Variants in KANSL2 observed in about 807,000 individuals in gnomAD.
The protein encoded by KANSL2 is NSL complex protein NSL2.
A neutral mutation model predicts 55.6 loss-of-function variants in KANSL2; 34 were observed. The observed-to-expected ratio is 0.61, with a 90% CI of 0.46 to 0.81. KANSL2 has a LOEUF of 0.81. KANSL2 is among the 40% of genes least tolerant of loss of function. The pLI is 0.00. For synonymous variants in KANSL2, 209 were observed against 214.3 expected, an observed-to-expected ratio of 0.98 and a Z score of 0.22; for missense variants, 502 against 609.9, an observed-to-expected ratio of 0.82 and a Z score of 1.86.
chr12:48,680,011 AG>A, intron 2 of KANSL2, 178 bp from the exon 3 acceptor site: 1 of 590,620 alleles, frequency 1.7e-6, no homozygotes, highest in East Asian at 2.9e-5. Flanking sequence ...ACTTTATTAA[AG>A]GGAAATAACA....
intron 8 of KANSL2, chr12:48,656,589 G>T (rs1291304676): frequency 1.1e-5 from 4 of 378,486 alleles, no homozygotes; most frequent in Non-Finnish European, 2.0e-5. Context: ...TGGTTCTTAA[G>T]CCTAACATAG....
chr12:48,676,737 T>A (rs895961139), intron 4 of KANSL2, among the ~76,000 whole-genome samples: 1 of 152,100 alleles, frequency 6.6e-6, no homozygotes, highest in African/African-American at 2.4e-5. Context: ...ACAAAACAAT[T>A]AAGTAAGTGG....
At chr12:48,664,019 A>T (rs967464928) in intron 7 of KANSL2, among the ~76,000 whole-genome samples, 2 of 143,970 alleles carry the variant, frequency 1.4e-5, no homozygotes, top group African/African-American at 5.2e-5. Flanking sequence ...GGTTCAAGCG[A>T]TTCTCCTGCC....
At chr12:48,676,619 T>C (rs1297510460) in intron 4 of KANSL2, among the ~76,000 whole-genome samples, 3 of 151,908 alleles carry the variant, frequency 2.0e-5, no homozygotes, top group Non-Finnish European at 4.4e-5. Flanking sequence ...GATCGCACCA[T>C]TGCACTCCAG....
intron 4 of KANSL2, among the ~76,000 whole-genome samples, chr12:48,673,517 G>A (rs189918776): frequency 2.1e-4 from 31 of 150,932 alleles, no homozygotes; most frequent in African/African-American, 6.1e-4. Context: ...CTGAGATCGT[G>A]CCACTGCATT....
intron 4 of KANSL2, among the ~76,000 whole-genome samples, chr12:48,675,003 AAAAT>A (rs553215793): frequency 8.3e-4 from 124 of 148,640 alleles, no homozygotes; most frequent in African/African-American, 2.8e-3. Context: ...AAATTAATAA[AAAAT>A]AAATTTAAAA....
intron 7 of KANSL2, 99 bp from the exon 8 acceptor site, chr12:48,660,718 T>G (rs1939470694): frequency 8.5e-7 from 1 of 1,174,790 alleles, no homozygotes; most frequent in Non-Finnish European, 1.2e-6. Flanking sequence ...GTGGACTATA[T>G]AAGATAAATT....
In KANSL2 at chr12:48,669,278, G is replaced by T. The variant is rs748159392; in HGVS notation, c.710-6C>A. The T allele has an allele frequency of 1.0e-5, 16 of 1,537,896 alleles. No individual in the cohort carries two copies. The highest frequency in any genetic ancestry group is 1.3e-5 in the Non-Finnish European group (15 of 1,141,534). The stretch of plus-strand genomic sequence containing the variant: ...GCCAGTCAGGAGACTACTGCCTAGA[G>T]TTACAAGAGTCAAGATGTTATTTGC... On this transcript the variant is annotated splice_region_variant and splice_polypyrimidine_tract_variant and intron_variant, in intron 5 of 9. Coordinates refer to ENST00000420613, the MANE Select transcript of KANSL2 (RefSeq NM_017822.4).
chr12:48,657,910 C>T (rs530934732), intron 8 of KANSL2, among the ~76,000 whole-genome samples: 77 of 152,294 alleles, frequency 5.1e-4, no homozygotes, highest in Admixed American at 2.7e-3. Context: ...AGCCACCGCA[C>T]CCGGCCCATG....
rs1374594370 is a variant in KANSL2 at position 48,657,712 on chromosome 12, G to C, written c.1228-2652C>G. 4.0e-5 allele frequency among the ~76,000 whole-genome samples: 6 copies of C among 151,892 alleles called. No individual in the cohort carries two copies. The South Asian group carries it at 1.3e-3, about 32-fold the overall frequency. On this transcript the variant is annotated intron_variant, in intron 8 of 9. Transcript: ENST00000420613. ...GCTCACTGCAACCTCCACCTCCTGG[G>C]TTCAAGCGATTCTCCTGCCTCAGCC...
chr12:48,679,318 C>A, intron 3 of KANSL2, 168 bp from the exon 4 acceptor site: 1 of 680,378 alleles, frequency 1.5e-6, no homozygotes. Flanking sequence ...TAAGAAAATA[C>A]AACCCAAGTA....
chr12:48,674,819 G>A (rs1939790515), intron 4 of KANSL2, among the ~76,000 whole-genome samples: 1 of 152,022 alleles, frequency 6.6e-6, no homozygotes, highest in African/African-American at 2.4e-5. Context: ...CCAGCTACTC[G>A]GGAGGCTGAG....
Position 48,669,240 on chromosome 12 carries a change from A to G in KANSL2, c.742T>C (p.Leu248=), listed in dbSNP as rs1939661442. 1.9e-6 allele frequency: 3 copies of G among 1,575,696 alleles called. No homozygotes were observed. Among genetic ancestry groups the G allele is most frequent in the Middle Eastern group, 1.7e-4 (1 of 6,010 alleles). ...TTTAAGTTCTCTCGTTCTTTGGCCA[A>G]AAGTCCCTCTGGGCCAGTCAGGAGA... ...SSLLTGPEGL[L]AKERENLKRL... The change falls in exon 6 of 10, where the codon TTG becomes CTG. Residue 248 remains leucine (L), a synonymous_variant. Coordinates refer to ENST00000420613, the MANE Select transcript of KANSL2 (RefSeq NM_017822.4).
intron 4 of KANSL2, among the ~76,000 whole-genome samples, chr12:48,673,973 A>AAATG (rs1436243378): frequency 2.2e-4 from 34 of 152,246 alleles, no homozygotes; most frequent in African/African-American, 8.2e-4. Context: ...ATAAATAAAT[A>AAATG]AATAAGTGAA....
chr12:48,680,767 A>G (rs1939908027), intron 2 of KANSL2, among the ~76,000 whole-genome samples: 1 of 151,960 alleles, frequency 6.6e-6, no homozygotes, highest in East Asian at 1.9e-4. Context: ...ACCTGAGGTC[A>G]GCAGTTCAAA....
chr12:48,670,140 G>A (rs1409265963), intron 5 of KANSL2, among the ~76,000 whole-genome samples: 2 of 149,022 alleles, frequency 1.3e-5, no homozygotes, highest in Non-Finnish European at 1.5e-5. Context: ...GGTGGAGGTT[G>A]CAGTGAGCCA....
intron 7 of KANSL2, among the ~76,000 whole-genome samples, chr12:48,665,319 C>T (rs763444866): frequency 6.6e-6 from 1 of 152,200 alleles, no homozygotes; most frequent in Non-Finnish European, 1.5e-5. Flanking sequence ...AATCCCAGCA[C>T]TTTGGGAGGC....
chr12:48,668,849 G>A (rs1939651650), intron 6 of KANSL2, among the ~76,000 whole-genome samples: 1 of 152,058 alleles, frequency 6.6e-6, no homozygotes, highest in Non-Finnish European at 1.5e-5. Flanking sequence ...AGACCAGCCT[G>A]GCCAACATAG....
chr12:48,662,229 A>T (rs1180716379), intron 7 of KANSL2, among the ~76,000 whole-genome samples: 3 of 152,092 alleles, frequency 2.0e-5, no homozygotes, highest in African/African-American at 7.2e-5. Context: ...CGCAGACTCC[A>T]AAGTAGCTGG....
Sources: gnomAD v4.1 joint callset for allele counts (sites outside exome capture counted in the v4.1 genomes callset) on GRCh38, gnomAD v4.1.1 for gene constraint, MANE v1.5 for transcripts, NCBI Gene and HGNC (gene_info 2026-07-23, HGNC 2026-07-21) for gene names.